The following ITFG1 variants were observed in gnomAD, a reference collection of about 807,000 sequenced individuals.
The protein encoded by ITFG1 is integrin alpha FG-GAP repeat containing 1, also known as T-cell immunomodulatory protein.
Under a neutral mutation model 81.8 loss-of-function variants are expected in ITFG1, and 34 were observed. The ratio of observed to expected loss-of-function variants is 0.42; its 90% CI spans 0.32 to 0.55. The LOEUF is 0.55. Among genes scored for constraint, ITFG1 ranks in the 20% least tolerant of loss-of-function variants. ITFG1 has a pLI of 0.17. For missense variants in ITFG1, 672 were observed against 755.4 expected, an observed-to-expected ratio of 0.89 and a Z score of 1.29; for synonymous variants, 285 against 270.6, an observed-to-expected ratio of 1.05 and a Z score of -0.52.
At chr16:47,342,952 C>A (rs532966548) in intron 8 of ITFG1, among the ~76,000 whole-genome samples, 66 of 152,158 alleles carry the variant, frequency 4.3e-4, no homozygotes, top group African/African-American at 1.5e-3. Context: ...TGCAATCACA[C>A]TCAAAATTTC....
chr16:47,257,611 A>C (rs905078510), intron 12 of ITFG1, among the ~76,000 whole-genome samples: 2 of 152,256 alleles, frequency 1.3e-5, no homozygotes, highest in African/African-American at 2.4e-5. Flanking sequence ...CTCCATTTGG[A>C]TGAAAAATGA....
intron 10 of ITFG1, among the ~76,000 whole-genome samples, chr16:47,270,264 A>G (rs1260138540): frequency 6.6e-6 from 1 of 152,232 alleles, no homozygotes; most frequent in East Asian, 1.9e-4. Flanking sequence ...GAAAATGAAA[A>G]GATAAGCTAG....
chr16:47,348,353 G>A (rs1455465838), intron 8 of ITFG1, among the ~76,000 whole-genome samples: 1 of 152,194 alleles, frequency 6.6e-6, no homozygotes, highest in African/African-American at 2.4e-5. Context: ...AACCAATGCA[G>A]AGAAGTCCTT....
chr16:47,446,318 A>C (rs1030309468), intron 5 of ITFG1, among the ~76,000 whole-genome samples: 1 of 152,208 alleles, frequency 6.6e-6, no homozygotes, highest in Non-Finnish European at 1.5e-5. Flanking sequence ...TCTGGGCTTC[A>C]ATGAGAACTC....
At chr16:47,323,672 C>T (rs1053479801) in intron 8 of ITFG1, among the ~76,000 whole-genome samples, 1 of 151,894 alleles carries the variant, frequency 6.6e-6, no homozygotes, top group Non-Finnish European at 1.5e-5. Context: ...TATTCTTTTT[C>T]CTGTTCTGAG....
At chr16:47,315,531 A>T (rs1967340285) in intron 8 of ITFG1, among the ~76,000 whole-genome samples, 2 of 152,046 alleles carry the variant, frequency 1.3e-5, no homozygotes, top group African/African-American at 4.8e-5. Flanking sequence ...TTCATACTTT[A>T]CTTCTCCCCT....
At chr16:47,321,380 A>G (rs920149309) in intron 8 of ITFG1, among the ~76,000 whole-genome samples, 1 of 152,210 alleles carries the variant, frequency 6.6e-6, no homozygotes, top group Non-Finnish European at 1.5e-5. Flanking sequence ...TACATATAAA[A>G]TGACATTTTC....
chr16:47,405,043 TC>T (rs1297228652), intron 6 of ITFG1, among the ~76,000 whole-genome samples: 1 of 152,292 alleles, frequency 6.6e-6, no homozygotes, highest in East Asian at 1.9e-4. Flanking sequence ...ATAATATATG[TC>T]ACAAATATCG....
intron 12 of ITFG1, among the ~76,000 whole-genome samples, chr16:47,250,316 T>C (rs1417146804): frequency 6.6e-6 from 1 of 151,672 alleles, no homozygotes; most frequent in Non-Finnish European, 1.5e-5. Context: ...GTTCTTTATG[T>C]GTACATATTA....
At chr16:47,277,016 C>T (rs1301238994) in intron 10 of ITFG1, among the ~76,000 whole-genome samples, 1 of 152,118 alleles carries the variant, frequency 6.6e-6, no homozygotes, top group Non-Finnish European at 1.5e-5. Context: ...AACCTGTATT[C>T]ATTCTGTGCA....
chr16:47,231,370 T>C (rs1416688596), intron 13 of ITFG1, among the ~76,000 whole-genome samples: 2 of 151,972 alleles, frequency 1.3e-5, no homozygotes, highest in African/African-American at 2.4e-5. Context: ...ATACTGAGAA[T>C]AAAAGATTTC....
intron 6 of ITFG1, among the ~76,000 whole-genome samples, chr16:47,419,783 A>T (rs1968921052): frequency 1.3e-5 from 2 of 150,630 alleles, no homozygotes; most frequent in Non-Finnish European, 3.0e-5. Context: ...TTACATTTTT[A>T]GTAGAGATGA....
chr16:47,209,674 A>G (rs1480142547), intron 14 of ITFG1, among the ~76,000 whole-genome samples: 1 of 152,152 alleles, frequency 6.6e-6, no homozygotes, highest in Non-Finnish European at 1.5e-5. Context: ...GATCCCTCAT[A>G]CTGTCTTTTC....
chr16:47,231,547 T>C (rs1474227651), intron 13 of ITFG1, among the ~76,000 whole-genome samples: 1 of 152,140 alleles, frequency 6.6e-6, no homozygotes, highest in Non-Finnish European at 1.5e-5. Flanking sequence ...TAAGAAAAAG[T>C]CAAGAAGTCT....
At chr16:47,450,533 G>T in intron 5 of ITFG1, 1 of 273,708 alleles carries the variant, frequency 3.7e-6, no homozygotes, top group Non-Finnish European at 7.3e-6. Context: ...TTACTCCTCT[G>T]CATACCTACA....
chr16:47,354,296 TG>T (rs1353478408), intron 8 of ITFG1, among the ~76,000 whole-genome samples: 1 of 152,106 alleles, frequency 6.6e-6, no homozygotes, highest in East Asian at 1.9e-4. Context: ...GAACACACAC[TG>T]GGGAAAGGAC....
At chr16:47,445,111 T>TAAAAAAAAAAAAAAAA (rs61015312) in intron 5 of ITFG1, among the ~76,000 whole-genome samples, 1 of 131,910 alleles carries the variant, frequency 7.6e-6, no homozygotes. Flanking sequence ...AAATGTACAT[T>TAAAAAAAAAAAAAAAA]AAAAAAAAAA....
At chr16:47,301,105 C>T (rs1240749785) in intron 10 of ITFG1, among the ~76,000 whole-genome samples, 1 of 152,060 alleles carries the variant, frequency 6.6e-6, no homozygotes, top group Non-Finnish European at 1.5e-5. Context: ...AAATAACATT[C>T]ATGACTAGAG....
At chr16:47,348,899 C>T (rs1257212857) in intron 8 of ITFG1, among the ~76,000 whole-genome samples, 1 of 152,172 alleles carries the variant, frequency 6.6e-6, no homozygotes, top group Non-Finnish European at 1.5e-5. Flanking sequence ...GAGTGGGGGC[C>T]AATATTCAAC....
Sources: allele counts gnomAD v4.1 joint callset (sites outside exome capture counted in the v4.1 genomes callset), GRCh38; gene constraint gnomAD v4.1.1; transcripts MANE v1.5; gene names NCBI Gene and HGNC (gene_info 2026-07-23, HGNC 2026-07-21).